The following TMTC2 variants were observed in gnomAD, a reference collection of about 807,000 sequenced individuals.
The protein encoded by TMTC2 is protein O-mannosyl-transferase TMTC2.
In TMTC2, 43 loss-of-function variants were observed where a neutral mutation model predicts 82.4. The ratio of observed to expected loss-of-function variants is 0.52; its 90% CI spans 0.41 to 0.67. The LOEUF (loss-of-function observed/expected upper bound fraction) is 0.67. Among genes scored for constraint, TMTC2 ranks in the 30% least tolerant of loss-of-function variants. TMTC2 has a pLI of 0.00. For synonymous variants in TMTC2, 408 were observed against 381.9 expected, an observed-to-expected ratio of 1.07 and a Z score of -0.80; for missense variants, 919 against 1,012.4, an observed-to-expected ratio of 0.91 and a Z score of 1.25.
chr12:83,029,894 T>C (rs1049620122), intron 8 of TMTC2, among the ~76,000 whole-genome samples: 5 of 152,220 alleles, frequency 3.3e-5, no homozygotes, highest in African/African-American at 4.8e-5. Flanking sequence ...ATTTTCCTTG[T>C]GCGTATGATG....
chr12:82,801,558 G>A (rs535820801), intron 1 of TMTC2, among the ~76,000 whole-genome samples: 7 of 152,190 alleles, frequency 4.6e-5, no homozygotes, highest in Admixed American at 1.3e-4. Flanking sequence ...TGATTGGTCC[G>A]TTTTGACAGA....
chr12:82,915,082 C>T (rs1165736622), intron 3 of TMTC2, among the ~76,000 whole-genome samples: 1 of 152,110 alleles, frequency 6.6e-6, no homozygotes, highest in Non-Finnish European at 1.5e-5. Context: ...ACCTCAGCCT[C>T]CCAAAGTGCT....
chr12:83,098,851 T>C (rs1449486127), intron 11 of TMTC2, among the ~76,000 whole-genome samples: 1 of 152,154 alleles, frequency 6.6e-6, no homozygotes, highest in African/African-American at 2.4e-5. Flanking sequence ...CTCCTGCCCA[T>C]ATGTTCTGCT....
rs184761189 is a variant in TMTC2 at position 82,693,393 on chromosome 12, T to G, written c.83+5724T>G. On this transcript the variant is annotated intron_variant, in intron 1 of 11. Transcript: ENST00000321196. Reference sequence around the variant, plus strand: ...TACTTACTGGTGCTTCATTCATACATGCAGAAGCTTTGGAATGCCTCTTCC... The same window carrying G: ...TACTTACTGGTGCTTCATTCATACAGGCAGAAGCTTTGGAATGCCTCTTCC... 4.6e-5 allele frequency among the ~76,000 whole-genome samples: 7 copies of G among 152,350 alleles called. No individual in the cohort carries two copies. In the East Asian group the frequency reaches 1.2e-3, roughly 25 times the overall value.
intron 4 of TMTC2, among the ~76,000 whole-genome samples, chr12:82,964,114 G>A (rs1878078651): frequency 6.6e-6 from 1 of 151,614 alleles, no homozygotes; most frequent in Admixed American, 6.6e-5. Flanking sequence ...TCTGCAATTT[G>A]AGATGATAAC....
rs1382823128 is a variant in TMTC2, at chr12:82,937,787, TATATATATAC to T, written c.1598+7244_1598+7253del. Among the ~76,000 whole-genome samples, 21 of 24,072 alleles carry T rather than the reference TATATATATAC, an allele frequency of 8.7e-4. 1 individual carries two copies. The highest frequency in any genetic ancestry group is 2.4e-3 in the African/African-American group (19 of 7,854). 15.8% of individuals were successfully genotyped at this position (24,072 alleles called of 152,430 possible). Reference sequence around the variant, plus strand: ...ATATATATATATATATATATATATATATATATATACACACATATATATATAAAATGATGCC... The same window carrying T: ...ATATATATATATATATATATATATATACACATATATATATAAAATGATGCC... On this transcript the variant is annotated intron_variant, in intron 4 of 11. Transcript: ENST00000321196.
At chr12:83,092,677 A>G (rs1461115526) in intron 11 of TMTC2, among the ~76,000 whole-genome samples, 2 of 152,190 alleles carry the variant, frequency 1.3e-5, no homozygotes, top group African/African-American at 4.8e-5. Context: ...TGCGTAGTTC[A>G]ATCAAATAGA....
chr12:82,890,449 GA>G (rs1157277016), intron 2 of TMTC2, among the ~76,000 whole-genome samples: 1 of 152,118 alleles, frequency 6.6e-6, no homozygotes, highest in Non-Finnish European at 1.5e-5. Flanking sequence ...CAGAGCCTGA[GA>G]AGGATAATTA....
At chr12:82,843,884 G>C in intron 1 of TMTC2, among the ~76,000 whole-genome samples, 1 of 152,076 alleles carries the variant, frequency 6.6e-6, no homozygotes, top group East Asian at 1.9e-4. Flanking sequence ...GGAGGCGGAG[G>C]ATGCAGTGAG....
At chr12:82,966,862 G>T in intron 6 of TMTC2, 57 bp from the exon 7 acceptor site, 1 of 1,263,570 alleles carries the variant, frequency 7.9e-7, no homozygotes. Flanking sequence ...CTTATTTTCA[G>T]TGACGATCCC....
intron 3 of TMTC2, among the ~76,000 whole-genome samples, chr12:82,928,088 C>CAA (rs1477034953): frequency 6.6e-6 from 1 of 151,838 alleles, no homozygotes; most frequent in Admixed American, 6.6e-5. Context: ...ATATAAGTAT[C>CAA]AAAGAAATCA....
intron 11 of TMTC2, among the ~76,000 whole-genome samples, chr12:83,064,407 T>G (rs965882003): frequency 2.0e-5 from 3 of 152,012 alleles, no homozygotes; most frequent in African/African-American, 7.2e-5. Flanking sequence ...AATATGTTTA[T>G]TCAAATGATA....
intron 11 of TMTC2, among the ~76,000 whole-genome samples, chr12:83,082,782 A>G (rs559978924): frequency 4.8e-4 from 73 of 152,324 alleles, no homozygotes; most frequent in Admixed American, 3.9e-3. Flanking sequence ...TCCTAAATTT[A>G]TAGAGACATG....
chr12:82,847,743 A>G (rs1311339088), intron 1 of TMTC2, among the ~76,000 whole-genome samples: 4 of 151,932 alleles, frequency 2.6e-5, no homozygotes, highest in Admixed American at 2.6e-4. Context: ...GGAATTGAAC[A>G]ATGAGATCAC....
At chr12:83,095,048 A>T (rs577997184) in intron 11 of TMTC2, among the ~76,000 whole-genome samples, 1 of 152,312 alleles carries the variant, frequency 6.6e-6, no homozygotes, top group South Asian at 2.1e-4. Flanking sequence ...ACAAACACTT[A>T]AAAAACATGG....
At chr12:82,744,404 C>T (rs1471187008) in intron 1 of TMTC2, among the ~76,000 whole-genome samples, 3 of 151,986 alleles carry the variant, frequency 2.0e-5, no homozygotes, top group Non-Finnish European at 4.4e-5. Context: ...GCCCGGTTGA[C>T]AGAGCGAGAC....
chr12:82,922,720 T>C (rs1324406624), intron 3 of TMTC2, among the ~76,000 whole-genome samples: 8 of 152,222 alleles, frequency 5.3e-5, no homozygotes, highest in Non-Finnish European at 1.2e-4. Flanking sequence ...CTATGTTAAA[T>C]ACACAGTGAT....
At chr12:82,730,406 A>G (rs1028553705) in intron 1 of TMTC2, among the ~76,000 whole-genome samples, 2 of 152,134 alleles carry the variant, frequency 1.3e-5, no homozygotes, top group Admixed American at 6.5e-5. Context: ...AATAATAATA[A>G]GAGTGTAGTC....
intron 9 of TMTC2, among the ~76,000 whole-genome samples, chr12:83,035,020 T>C (rs773837519): frequency 1.3e-5 from 2 of 152,156 alleles, no homozygotes; most frequent in Non-Finnish European, 2.9e-5. Flanking sequence ...GTGTTTTGAG[T>C]CTTTTTAAAA....
Sources: allele counts gnomAD v4.1 joint callset (sites outside exome capture counted in the v4.1 genomes callset), GRCh38; gene constraint gnomAD v4.1.1; transcripts MANE v1.5; gene names NCBI Gene and HGNC (gene_info 2026-07-23, HGNC 2026-07-21).